SGCD: variants seen among roughly 807,000 people sequenced by gnomAD.
SGCD encodes the protein sarcoglycan delta, also known as delta-sarcoglycan.
In SGCD, 18 loss-of-function variants were observed where a neutral mutation model predicts 36.6. That is an observed-to-expected ratio of 0.49 (90% CI 0.34 to 0.73). SGCD has a LOEUF of 0.73. Ranked by LOEUF, SGCD falls within the 30% of genes least tolerant of loss-of-function variation. The probability of loss-of-function intolerance (pLI) is 0.01; values close to 1 mark genes in which losing one functional copy is unlikely to be tolerated. For synonymous variants in SGCD, 133 were observed against 130.6 expected (o/e 1.02, Z -0.12); for missense variants, 387 against 346.7 (o/e 1.12, Z -0.92).
chr5:156,087,640 C>CAAA (rs146938753), intron 1 of SGCD, among the ~76,000 whole-genome samples: 4 of 79,828 alleles, frequency 5.0e-5, no homozygotes, highest in Admixed American at 1.3e-4. Context: ...AACTCCATCT[C>CAAA]AAAAAAAAAA....
intron 6 of SGCD, among the ~76,000 whole-genome samples, chr5:156,642,255 C>G (rs1763054013): frequency 6.6e-6 from 1 of 152,058 alleles, no homozygotes; most frequent in Admixed American, 6.6e-5. Context: ...AGGGTTTCAA[C>G]ATCTGAATTT....
intron 1 of SGCD, among the ~76,000 whole-genome samples, chr5:155,923,206 T>C (rs1443633580): frequency 6.6e-6 from 1 of 152,234 alleles, no homozygotes; most frequent in Middle Eastern, 3.2e-3. Context: ...TAACTTTCTG[T>C]ATGTTACATA....
intron 1 of SGCD, among the ~76,000 whole-genome samples, chr5:155,936,911 C>T (rs976353634): frequency 3.3e-5 from 5 of 152,176 alleles, no homozygotes; most frequent in Non-Finnish European, 7.4e-5. Flanking sequence ...AGGAGGCTGC[C>T]ATGTCAGCAC....
intron 3 of SGCD, among the ~76,000 whole-genome samples, chr5:156,487,813 A>AAAAG (rs1554107841): frequency 0.016 from 1,229 of 77,394 alleles, 56 homozygotes; most frequent in East Asian, 0.048. Context: ...AAAAAAAAAA[A>AAAAG]AAAGAAAGAA....
At chr5:156,011,663 C>T (rs1049193444) in intron 1 of SGCD, among the ~76,000 whole-genome samples, 1 of 152,148 alleles carries the variant, frequency 6.6e-6, no homozygotes, top group East Asian at 1.9e-4. Context: ...TGGTCTGGAA[C>T]TCCTGACCTC....
At chr5:156,006,190 T>C (rs1009982664) in intron 1 of SGCD, among the ~76,000 whole-genome samples, 8 of 152,194 alleles carry the variant, frequency 5.3e-5, no homozygotes, top group South Asian at 2.1e-4. Flanking sequence ...AGGAACCATT[T>C]TGATCACATG....
chr5:156,537,593 T>G (rs1758174329), intron 4 of SGCD, among the ~76,000 whole-genome samples: 1 of 151,950 alleles, frequency 6.6e-6, no homozygotes, highest in African/African-American at 2.4e-5. Flanking sequence ...CTTTGATACT[T>G]CCTCTATCAA....
chr5:155,746,430 A>G, the SGCD span, among the ~76,000 whole-genome samples: 1 of 152,156 alleles, frequency 6.6e-6, no homozygotes, highest in African/African-American at 2.4e-5. Flanking sequence ...GTGGGCTGAC[A>G]GTAGCAGCCA....
At chr5:156,525,526 C>T (rs1757609802) in intron 4 of SGCD, among the ~76,000 whole-genome samples, 2 of 150,908 alleles carry the variant, frequency 1.3e-5, no homozygotes, top group African/African-American at 2.4e-5. Flanking sequence ...CCATAGATTT[C>T]CTTTTCATTT....
In SGCD at chr5:156,292,504, C is replaced by T. The variant is rs557687863; in HGVS notation, c.-43-37030C>T. 2.0e-5 allele frequency among the ~76,000 whole-genome samples: 3 copies of T among 152,202 alleles called. No homozygotes were observed. The East Asian group carries it at 5.8e-4, about 29-fold the overall frequency. ...GTATGGATACCCACATTTGCTTATCCTTAAATGTGGTTGCTTCCACATTTT... is the reference window on the plus strand; with the variant it reads ...GTATGGATACCCACATTTGCTTATCTTTAAATGTGGTTGCTTCCACATTTT... On this transcript the variant is annotated intron_variant, in intron 3 of 9. Transcript: ENST00000517913.
chr5:156,331,007 A>T (rs1768044648), intron 2 of SGCD, among the ~76,000 whole-genome samples: 1 of 152,236 alleles, frequency 6.6e-6, no homozygotes, highest in Non-Finnish European at 1.5e-5. Context: ...TCTTTTGCAC[A>T]CAGTAAGCAC....
At position 156,381,948 on chromosome 5, in the gene SGCD, C is replaced by T. The variant is rs757319670; in HGVS notation, c.192+37271C>T. On this transcript the variant is annotated intron_variant, in intron 3 of 8. Coordinates refer to ENST00000337851, the MANE Select transcript of SGCD (RefSeq NM_000337.6). ...ATTGAATGATATAATCTGTGTAAATCACTTAACACATAGTAAGTGGTCAAT... is the reference window on the plus strand; with the variant it reads ...ATTGAATGATATAATCTGTGTAAATTACTTAACACATAGTAAGTGGTCAAT... 3.3e-5 allele frequency among the ~76,000 whole-genome samples: 5 copies of T among 152,286 alleles called. No individual in the cohort carries two copies. In the South Asian group the frequency reaches 1.0e-3, roughly 32 times the overall value.
At chr5:156,129,302 G>T (rs1475391945) in intron 3 of SGCD, among the ~76,000 whole-genome samples, 1 of 152,104 alleles carries the variant, frequency 6.6e-6, no homozygotes, top group Non-Finnish European at 1.5e-5. Flanking sequence ...CTCTGGGATA[G>T]GTATCATTAT....
At chr5:156,103,743 A>T (rs1761579169) in intron 1 of SGCD, among the ~76,000 whole-genome samples, 1 of 152,160 alleles carries the variant, frequency 6.6e-6, no homozygotes, top group Non-Finnish European at 1.5e-5. Flanking sequence ...GAACTACTGT[A>T]GAAAATCTCT....
intron 6 of SGCD, among the ~76,000 whole-genome samples, chr5:156,624,548 T>C (rs536722791): frequency 6.6e-6 from 1 of 152,192 alleles, no homozygotes; most frequent in Admixed American, 6.5e-5. Context: ...GCCACTGCAC[T>C]CCAGCCTGGG....
At chr5:156,261,154 T>TA (rs1765850329) in intron 3 of SGCD, among the ~76,000 whole-genome samples, 2 of 152,186 alleles carry the variant, frequency 1.3e-5, no homozygotes, top group Admixed American at 1.3e-4. Context: ...AAAGTTATAC[T>TA]GGTTTTATAA....
intron 3 of SGCD, among the ~76,000 whole-genome samples, chr5:156,350,191 A>G (rs951916735): frequency 2.1e-5 from 3 of 145,238 alleles, no homozygotes; most frequent in African/African-American, 5.0e-5. Flanking sequence ...CCACTATATT[A>G]TTGATCCATG....
the SGCD span, among the ~76,000 whole-genome samples, chr5:155,839,611 CAT>C: frequency 6.6e-6 from 1 of 152,158 alleles, no homozygotes; most frequent in African/African-American, 2.4e-5. Context: ...AAATATTTAA[CAT>C]ATCTCCTTCT....
intron 3 of SGCD, 101 bp downstream of exon 3, chr5:156,344,778 C>A: frequency 2.4e-6 from 2 of 830,166 alleles, no homozygotes; most frequent in Non-Finnish European, 3.7e-6. Flanking sequence ...TACAGTAGGA[C>A]TCAAAAAATC....
Sources: allele counts gnomAD v4.1 joint callset (sites outside exome capture counted in the v4.1 genomes callset), GRCh38; gene constraint gnomAD v4.1.1; transcripts MANE v1.5; gene names NCBI Gene and HGNC (gene_info 2026-07-23, HGNC 2026-07-21).